The following THSD7B variants were observed in gnomAD, a reference collection of about 807,000 sequenced individuals.
THSD7B encodes the protein thrombospondin type-1 domain-containing protein 7B.
Under a neutral mutation model 213.6 loss-of-function variants are expected in THSD7B, and 138 were observed. The observed-to-expected ratio is 0.65, with a 90% CI of 0.56 to 0.74. The LOEUF is 0.74. Among genes scored for constraint, THSD7B ranks in the 30% least tolerant of loss-of-function variants. The pLI is 0.00. For missense variants in THSD7B, 1,931 were observed against 1,991.5 expected (o/e 0.97, Z 0.58); for synonymous variants, 742 against 687.0 (o/e 1.08, Z -1.25).
At chr2:136,860,684 A>G (rs1340825015) in intron 1 of THSD7B, among the ~76,000 whole-genome samples, 1 of 152,210 alleles carries the variant, frequency 6.6e-6, no homozygotes, top group Non-Finnish European at 1.5e-5. Flanking sequence ...GCCACTCATA[A>G]CTGCATCATA....
intron 2 of THSD7B, among the ~76,000 whole-genome samples, chr2:136,996,243 A>G (rs1685885537): frequency 6.6e-6 from 1 of 152,204 alleles, no homozygotes; most frequent in African/African-American, 2.4e-5. Flanking sequence ...AACTAATTGG[A>G]AAAGACATGG....
chr2:136,986,973 C>G (rs1685684457), intron 2 of THSD7B, among the ~76,000 whole-genome samples: 1 of 152,326 alleles, frequency 6.6e-6, no homozygotes, highest in Admixed American at 6.5e-5. Flanking sequence ...ACGTTAGTGA[C>G]AGCAAAAGTG....
At position 137,580,548 on chromosome 2, in the gene THSD7B, A is replaced by T. The variant is rs557676906; in HGVS notation, c.3423+7992A>T. On this transcript the variant is annotated intron_variant, in intron 17 of 27. Transcript: ENST00000409968. ...TTGATATTCACATTATCTTTCCTAG[A>T]CATACATACTTTATTAGGAAGAACT... Among the ~76,000 whole-genome samples the T allele has an allele frequency of 5.6e-4, 86 of 152,358 alleles. 2 individuals are homozygous for T. The South Asian group carries it at 0.015, about 27-fold the overall frequency.
chr2:136,961,547 T>C lies in THSD7B; in HGVS notation c.139+79230T>C, dbSNP rs560672509. ...TATTTTTCAATATAAATCGTAAACC[T>C]GTGAGGAGATGGCCATGATGGATCA... On this transcript the variant is annotated intron_variant, in intron 2 of 27. Coordinates refer to ENST00000409968, the MANE Select transcript of THSD7B (RefSeq NM_001316349.2). 1.8e-3 allele frequency among the ~76,000 whole-genome samples: 275 copies of C among 152,196 alleles called. 1 individual carries two copies. Among genetic ancestry groups the C allele is most frequent in the South Asian group, 3.1e-3 (15 of 4,822 alleles).
intron 12 of THSD7B, among the ~76,000 whole-genome samples, chr2:137,392,322 T>C (rs1686049867): frequency 6.6e-6 from 1 of 152,180 alleles, no homozygotes; most frequent in African/African-American, 2.4e-5. Context: ...GTCTTAATGA[T>C]CTGTCTAATG....
At chr2:136,852,573 T>A (rs1451762600) in intron 1 of THSD7B, among the ~76,000 whole-genome samples, 4 of 152,196 alleles carry the variant, frequency 2.6e-5, no homozygotes, top group Non-Finnish European at 5.9e-5. Flanking sequence ...TGATGAGTAT[T>A]GTTTTAAGCT....
chr2:137,582,056 A>G, intron 17 of THSD7B, among the ~76,000 whole-genome samples: 1 of 152,002 alleles, frequency 6.6e-6, no homozygotes, highest in East Asian at 1.9e-4. Flanking sequence ...CAGTGAGCTA[A>G]GATGGCGCCA....
chr2:137,574,004 T>A (rs1681410097), intron 17 of THSD7B, among the ~76,000 whole-genome samples: 1 of 152,086 alleles, frequency 6.6e-6, no homozygotes, highest in South Asian at 2.1e-4. Context: ...ATGTTTATAT[T>A]TTAGAAAGTG....
intron 10 of THSD7B, among the ~76,000 whole-genome samples, chr2:137,254,399 A>C (rs769155773): frequency 2.0e-5 from 3 of 152,224 alleles, no homozygotes; most frequent in Non-Finnish European, 4.4e-5. Flanking sequence ...GCTCTGTTGC[A>C]AGTGTGTTAA....
intron 5 of THSD7B, among the ~76,000 whole-genome samples, chr2:137,126,990 G>C (rs907820065): frequency 1.3e-5 from 2 of 152,110 alleles, no homozygotes; most frequent in Non-Finnish European, 2.9e-5. Context: ...ATGGATGGGT[G>C]TGGTTCCTGG....
chr2:137,220,431 A>G (rs754208906), intron 7 of THSD7B, among the ~76,000 whole-genome samples: 28 of 152,252 alleles, frequency 1.8e-4, no homozygotes, highest in Non-Finnish European at 3.4e-4. Context: ...GAAAAGATGC[A>G]TCATTAGTCA....
chr2:137,384,976 C>G (rs1026119019), intron 12 of THSD7B, among the ~76,000 whole-genome samples: 4 of 152,088 alleles, frequency 2.6e-5, no homozygotes, highest in African/African-American at 9.7e-5. Context: ...GTTCTTCAGC[C>G]TGAGACTTCA....
chr2:137,560,141 A>T (rs1264181613), intron 15 of THSD7B, among the ~76,000 whole-genome samples: 1 of 150,040 alleles, frequency 6.7e-6, no homozygotes, highest in African/African-American at 2.5e-5. Flanking sequence ...ACCATTATGG[A>T]AGACTGTGTG....
At chr2:137,313,810 T>C (rs1407040403) in intron 12 of THSD7B, among the ~76,000 whole-genome samples, 2 of 152,220 alleles carry the variant, frequency 1.3e-5, no homozygotes, top group Non-Finnish European at 2.9e-5. Context: ...AAAATTCTTT[T>C]CTTTAAGAAT....
intron 21 of THSD7B, among the ~76,000 whole-genome samples, chr2:137,647,446 AC>A (rs941828802): frequency 6.6e-4 from 14 of 21,282 alleles, no homozygotes; most frequent in Admixed American, 3.0e-3. Context: ...TCTCTCCCCA[AC>A]CCCCCCGCCC....
chr2:137,272,866 A>G (rs1452032054), intron 11 of THSD7B, among the ~76,000 whole-genome samples: 7 of 151,990 alleles, frequency 4.6e-5, no homozygotes, highest in Admixed American at 3.9e-4. Flanking sequence ...TAACAGGGGG[A>G]AAAGGAAGCA....
At chr2:137,411,899 A>G in intron 14 of THSD7B, 27 bp downstream of exon 14, 1 of 1,612,228 alleles carries the variant, frequency 6.2e-7, no homozygotes, top group Non-Finnish European at 8.5e-7. Flanking sequence ...AGAGTAACAG[A>G]TGAGAACACT....
intron 15 of THSD7B, among the ~76,000 whole-genome samples, chr2:137,521,877 G>A (rs375893952): frequency 3.3e-5 from 1 of 30,038 alleles, no homozygotes; most frequent in Non-Finnish European, 6.3e-5. Context: ...GCATCCCTCA[G>A]CTGTTGAGTA....
At chr2:136,937,022 T>A (rs763144917) in intron 2 of THSD7B, among the ~76,000 whole-genome samples, 26 of 152,188 alleles carry the variant, frequency 1.7e-4, no homozygotes, top group Non-Finnish European at 2.8e-4. Context: ...CACAATGGTT[T>A]TTGTAAAATT....
Sources: allele counts gnomAD v4.1 joint callset (sites outside exome capture counted in the v4.1 genomes callset), GRCh38; gene constraint gnomAD v4.1.1; transcripts MANE v1.5; gene names NCBI Gene and HGNC (gene_info 2026-07-23, HGNC 2026-07-21).